Variants in ANKRD30A observed in about 807,000 individuals in gnomAD.
ANKRD30A encodes the protein ankyrin repeat domain-containing protein 30A.
ANKRD30A carries 170 observed loss-of-function variants against 166.3 expected under a neutral mutation model. That is an observed-to-expected ratio of 1.02 (90% CI 0.90 to 1.16). The LOEUF (loss-of-function observed/expected upper bound fraction) is 1.16. ANKRD30A is among the 50% of genes most tolerant of loss of function. The pLI, the probability that ANKRD30A is intolerant of heterozygous loss-of-function variation, is 0.00. For missense variants in ANKRD30A, 1,630 were observed against 1,518.0 expected (o/e 1.07, Z -1.23); for synonymous variants, 564 against 508.9 (o/e 1.11, Z -1.46).
intron 13 of ANKRD30A, among the ~76,000 whole-genome samples, chr10:37,157,642 G>A (rs1052911170): frequency 2.0e-5 from 3 of 152,122 alleles, no homozygotes; most frequent in African/African-American, 7.2e-5. Context: ...CAAATTGCTG[G>A]AATTACAGGC....
At chr10:37,216,142 G>T in intron 31 of ANKRD30A, 39 bp from the exon 32 acceptor site, 1 of 1,417,122 alleles carries the variant, frequency 7.1e-7, no homozygotes, top group South Asian at 1.2e-5. Context: ...TATCCCAAAA[G>T]TACTAATATA....
intron 3 of ANKRD30A, 86 bp downstream of exon 3, chr10:37,130,464 G>A (rs1369632705): frequency 1.9e-6 from 2 of 1,053,804 alleles, no homozygotes; most frequent in Non-Finnish European, 2.5e-6. Context: ...ATATTTGGAA[G>A]CTCAAACATT....
At chr10:37,212,696 G>A (rs1309218561) in intron 31 of ANKRD30A, among the ~76,000 whole-genome samples, 2 of 151,908 alleles carry the variant, frequency 1.3e-5, no homozygotes, top group Non-Finnish European at 2.9e-5. Flanking sequence ...ATAGAACAGA[G>A]TCCTCAGAAA....
intron 11 of ANKRD30A, 30 bp downstream of exon 11, chr10:37,149,879 C>T (rs373024622): frequency 8.4e-5 from 135 of 1,609,948 alleles, no homozygotes; most frequent in Middle Eastern, 1.7e-4. Flanking sequence ...TATGCAAAGA[C>T]GAATATTTCA....
chr10:37,262,256 A>G, the ANKRD30A span, among the ~76,000 whole-genome samples: 1 of 152,178 alleles, frequency 6.6e-6, no homozygotes, highest in East Asian at 1.9e-4. Context: ...TTTCTCTACT[A>G]TTTATGAGAA....
At chr10:37,229,314 T>G (rs1843308503) in intron 34 of ANKRD30A, among the ~76,000 whole-genome samples, 1 of 151,960 alleles carries the variant, frequency 6.6e-6, no homozygotes, top group Non-Finnish European at 1.5e-5. Flanking sequence ...GTCACTAAGT[T>G]TGGCCCATGT....
the ANKRD30A span, among the ~76,000 whole-genome samples, chr10:37,244,581 A>G: frequency 3.9e-5 from 6 of 152,328 alleles, 1 homozygote; most frequent in Middle Eastern, 0.01. Flanking sequence ...CCCTTAGGCG[A>G]GTACTCACTC....
intron 34 of ANKRD30A, among the ~76,000 whole-genome samples, chr10:37,224,892 G>C (rs889482820): frequency 6.6e-6 from 1 of 151,402 alleles, no homozygotes; most frequent in African/African-American, 2.4e-5. Flanking sequence ...TAATCTTTGT[G>C]ATAATTTATG....
At chr10:37,232,693 T>TATATATATATATAA (rs1491500759), downstream of ANKRD30A, 9 of 9,118 alleles carry the variant, frequency 9.9e-4, no homozygotes, top group Non-Finnish European at 2.5e-3. Flanking sequence ...TATATATATA[T>TATATATATATATAA]AAATAGAGAG....
chr10:37,243,244 C>T, the ANKRD30A span, among the ~76,000 whole-genome samples: 1 of 151,000 alleles, frequency 6.6e-6, no homozygotes, highest in Admixed American at 6.6e-5. Flanking sequence ...ACGCCATTCT[C>T]CTGCCTCAGC....
At chr10:37,129,615 T>C (rs1836255081) in intron 1 of ANKRD30A, among the ~76,000 whole-genome samples, 1 of 152,190 alleles carries the variant, frequency 6.6e-6, no homozygotes, top group African/African-American at 2.4e-5. Context: ...GCAGAAAGTT[T>C]AAGTGACAGC....
intron 15 of ANKRD30A, among the ~76,000 whole-genome samples, chr10:37,159,214 C>T (rs879751502): frequency 3.3e-5 from 5 of 152,068 alleles, no homozygotes; most frequent in East Asian, 3.8e-4. Flanking sequence ...TTCCCATGCA[C>T]GTTTAAAACA....
intron 31 of ANKRD30A, among the ~76,000 whole-genome samples, chr10:37,205,684 T>C (rs1841946882): frequency 1.3e-5 from 2 of 152,224 alleles, no homozygotes; most frequent in Non-Finnish European, 2.9e-5. Context: ...AGCTGTGTTT[T>C]ATCTATTATT....
intron 7 of ANKRD30A, 35 bp downstream of exon 7, chr10:37,142,325 G>T: frequency 1.3e-6 from 2 of 1,535,150 alleles, no homozygotes; most frequent in Admixed American, 2.2e-5. Flanking sequence ...AAGGTTTATT[G>T]GCACTTCAGG....
chr10:37,166,327 A>T (rs1286951632), intron 18 of ANKRD30A, among the ~76,000 whole-genome samples: 23 of 152,226 alleles, frequency 1.5e-4, no homozygotes, highest in Non-Finnish European at 2.9e-4. Context: ...ACTTTTTGAA[A>T]TATGCACGAG....
chr10:37,213,880 CCTT>C (rs1297583969), intron 31 of ANKRD30A, among the ~76,000 whole-genome samples: 4 of 151,318 alleles, frequency 2.6e-5, no homozygotes, highest in African/African-American at 4.8e-5. Context: ...TGACTTAAAT[CCTT>C]CTTAATCCTT....
rs1842607044 is a variant in ANKRD30A at position 37,216,323 on chromosome 10, A to C, written c.3012A>C (p.Ser1004=). 6.2e-7 allele frequency: 1 copy of C among 1,608,662 alleles called. No homozygotes were observed. The highest frequency in any genetic ancestry group is 1.3e-5 in the African/African-American group (1 of 74,566). The stretch of plus-strand genomic sequence containing the variant: ...TTTGTGTACTGAAAAAGAAACTGTC[A>C]GAAGCAAAAGAAATAAAATCACAGT... ...KKFCVLKKKL[S]EAKEIKSQLE... is the part of the protein sequence containing the mutation. Residue 1004 remains serine, a synonymous_variant, in exon 32 of 36, where the codon TCA becomes TCC. Coordinates refer to ENST00000361713, the MANE Select transcript of ANKRD30A (RefSeq NM_052997.3).
intron 29 of ANKRD30A, among the ~76,000 whole-genome samples, chr10:37,198,663 G>T (rs751390857): frequency 6.6e-6 from 1 of 152,002 alleles, no homozygotes; most frequent in African/African-American, 2.4e-5. Flanking sequence ...AGTGAAAACG[G>T]TGGCTTACCA....
At chr10:37,135,413 G>A (rs529838820) in intron 5 of ANKRD30A, 5 of 152,308 alleles carry the variant, frequency 3.3e-5, no homozygotes, top group East Asian at 3.9e-4. Context: ...AAAGCAAAAT[G>A]TGTGACACCA....
Sources: allele counts gnomAD v4.1 joint callset (sites outside exome capture counted in the v4.1 genomes callset), GRCh38; gene constraint gnomAD v4.1.1; transcripts MANE v1.5; gene names NCBI Gene and HGNC (gene_info 2026-07-23, HGNC 2026-07-21).